The following KCNQ1 variants were observed in gnomAD, a reference collection of about 807,000 sequenced individuals.
KCNQ1 encodes the protein potassium voltage-gated channel subfamily KQT member 1.
A neutral mutation model predicts 72.4 loss-of-function variants in KCNQ1; 49 were observed. That is an observed-to-expected ratio of 0.68 (90% CI 0.54 to 0.86). The LOEUF (loss-of-function observed/expected upper bound fraction) is 0.86. KCNQ1 is among the 40% of genes least tolerant of loss of function. KCNQ1 has a pLI of 0.00. For missense variants in KCNQ1, 790 were observed against 945.1 expected, an observed-to-expected ratio of 0.84 and a Z score of 2.15; for synonymous variants, 450 against 412.6, an observed-to-expected ratio of 1.09 and a Z score of -1.10.
chr11:2,557,470 C>T (rs1461670044), intron 2 of KCNQ1, among the ~76,000 whole-genome samples: 1 of 152,200 alleles, frequency 6.6e-6, no homozygotes, highest in Non-Finnish European at 1.5e-5. Context: ...TTTGAAATAA[C>T]TCCTGTTCTT....
intron 15 of KCNQ1, among the ~76,000 whole-genome samples, chr11:2,799,519 G>A (rs541036621): frequency 2.0e-4 from 31 of 151,744 alleles, no homozygotes; most frequent in African/African-American, 5.6e-4. Flanking sequence ...TGTCTTCTAC[G>A]TGTGAGTGTG....
chr11:2,743,757 C>G (rs748129630), intron 11 of KCNQ1, among the ~76,000 whole-genome samples: 1 of 152,248 alleles, frequency 6.6e-6, no homozygotes, highest in African/African-American at 2.4e-5. Context: ...TCGTGACAGG[C>G]CTTTGAGCCT....
Position 2,723,557 on chromosome 11 carries a change from T to G in KCNQ1, c.1515-45287T>G, listed in dbSNP as rs1342895878. On this transcript the variant is annotated intron_variant, in intron 11 of 15. Coordinates refer to ENST00000155840, the MANE Select transcript of KCNQ1 (RefSeq NM_000218.3). This position sits in a 1 kb window ranked among gnomAD's most constrained non-coding sequence, Gnocchi z 4.2. The stretch of plus-strand genomic sequence containing the variant: ...ACTGTAGCAGTGGGCCTGGAGGCAG[T>G]GGCATTTAGAGAGGACCCTGAAGTC... 2.0e-5 allele frequency among the ~76,000 whole-genome samples: 3 copies of G among 152,186 alleles called. No individual in the cohort carries two copies. Among genetic ancestry groups the G allele is most frequent in the Non-Finnish European group, 4.4e-5 (3 of 68,038 alleles).
chr11:2,742,838 C>T lies in KCNQ1; in HGVS notation c.1515-26006C>T, dbSNP rs2133954072. Among the ~76,000 whole-genome samples the T allele has an allele frequency of 2.6e-5, 4 of 152,302 alleles. No homozygotes were observed. In the South Asian group the frequency reaches 8.3e-4, roughly 32 times the overall value. On this transcript the variant is annotated intron_variant, in intron 11 of 15. Transcript: ENST00000155840. ...ACAAAGTAGGCCAGCGGCTTAGGGA[C>T]CCCCGAGTAAGCAGGCAGACCCACA... is the stretch of plus-strand genomic sequence containing the variant.
In KCNQ1 at chr11:2,816,804, G is replaced by A. The variant is rs750761671; in HGVS notation, c.1795-30963G>A. ...CCCCTGCTCAGGAGGCCTTCCCTGA[G>A]CCCCTGCCCCCTCCATTTCAGACAT... On this transcript the variant is annotated intron_variant, in intron 15 of 15. Transcript: ENST00000155840. This position sits in a 1 kb window ranked among gnomAD's most constrained non-coding sequence, Gnocchi z 6.8. 3.3e-5 allele frequency among the ~76,000 whole-genome samples: 5 copies of A among 152,008 alleles called. No homozygotes were observed. Among genetic ancestry groups the A allele is most frequent in the Non-Finnish European group, 7.4e-5 (5 of 67,918 alleles).
In KCNQ1 at chr11:2,579,732, T is replaced by C. The variant is rs1389447256; in HGVS notation, c.922-3703T>C. The stretch of plus-strand genomic sequence containing the variant: ...CCCAGGGGCACTTCTGGGGCTGGCC[T>C]TTCTCTCCCTCTCGGGGCACCCCTG... On this transcript the variant is annotated intron_variant, in intron 6 of 15. Coordinates refer to ENST00000155840, the MANE Select transcript of KCNQ1 (RefSeq NM_000218.3). This position sits in a 1 kb window ranked among gnomAD's most constrained non-coding sequence, Gnocchi z 6.0. 6.6e-6 allele frequency among the ~76,000 whole-genome samples: 1 copy of C among 152,036 alleles called. No homozygotes were observed. The highest frequency in any genetic ancestry group is 1.9e-4 in the East Asian group (1 of 5,162).
In KCNQ1 at chr11:2,712,661, C is replaced by T. The variant is rs11825155; in HGVS notation, c.1514+50580C>T. ...CATGAAGAAGGGGCTGGCTAAGGCC[C>T]CCATCCCTGCTCAGGCCTACAGGAG... On this transcript the variant is annotated intron_variant, in intron 11 of 15. Transcript: ENST00000155840. This position sits in a 1 kb window ranked among gnomAD's most constrained non-coding sequence, Gnocchi z 6.4. 0.018 allele frequency among the ~76,000 whole-genome samples: 2,794 copies of T among 152,278 alleles called. 88 individuals carry two copies. The highest frequency in any genetic ancestry group is 0.064 in the African/African-American group (2,644 of 41,528).
At position 2,507,131 on chromosome 11, in the gene KCNQ1, C is replaced by T. The variant is rs1181815574; in HGVS notation, c.387-20797C>T. 6.6e-6 allele frequency among the ~76,000 whole-genome samples: 1 copy of T among 152,170 alleles called. No individual in the cohort carries two copies. Among genetic ancestry groups the T allele is most frequent in the African/African-American group, 2.4e-5 (1 of 41,438 alleles). On this transcript the variant is annotated intron_variant, in intron 1 of 15. Transcript: ENST00000155840. This position sits in a 1 kb window ranked among gnomAD's most constrained non-coding sequence, Gnocchi z 5.4. ...CACAGTTGAGAGCTTTTTCCTCCAC[C>T]GAGGTTAAGGGGAATCCACTGTGTT...
At chr11:2,633,764 T>C (rs907882303) in intron 10 of KCNQ1, 36 of 398,486 alleles carry the variant, frequency 9.0e-5, no homozygotes, top group African/African-American at 2.5e-4. Flanking sequence ...TTGGTTACCA[T>C]TGTTTTGTAT....
rs1846880425 is a variant in KCNQ1, at chr11:2,784,658, T to G, written c.1794+6621T>G. The stretch of plus-strand genomic sequence containing the variant: ...TAACAAAATTGAGTATTGTAATCAA[T>G]GAACATGGTATATCCCTCCATTTAT... On this transcript the variant is annotated intron_variant, in intron 15 of 15. Transcript: ENST00000155840. This position sits in a 1 kb window ranked among gnomAD's most constrained non-coding sequence, Gnocchi z 4.7. Among the ~76,000 whole-genome samples the G allele has an allele frequency of 6.6e-6, 1 of 151,974 alleles. No individual in the cohort carries two copies. Among genetic ancestry groups the G allele is most frequent in the African/African-American group, 2.4e-5 (1 of 41,456 alleles).
At position 2,523,751 on chromosome 11, in the gene KCNQ1, G is replaced by GTTGTT. The variant is rs761576167; in HGVS notation, c.387-4175_387-4174insGTTTT. On this transcript the variant is annotated intron_variant, in intron 1 of 15. Transcript: ENST00000155840. ...GCCTCTGCCTTGGAGGAAGTTTACA[G>GTTGTT]TTTTTTTTTTTTTTTTTTTTGAAAG... is the stretch of plus-strand genomic sequence containing the variant. 2.6e-5 allele frequency among the ~76,000 whole-genome samples: 3 copies of GTTGTT among 115,144 alleles called. No homozygotes were observed. In the East Asian group the frequency reaches 7.3e-4, roughly 28 times the overall value. 75.5% of individuals were successfully genotyped at this position (115,144 alleles called of 152,430 possible).
intron 13 of KCNQ1, 152 bp downstream of exon 13, chr11:2,776,206 C>T: frequency 1.4e-6 from 1 of 690,716 alleles, no homozygotes. Flanking sequence ...CCCAGCCCTG[C>T]AGAGGGAGGG....
chr11:2,634,334 C>T (rs1423800161), intron 10 of KCNQ1: 24 of 239,958 alleles, frequency 1.0e-4, no homozygotes, highest in Non-Finnish European at 1.6e-4. Context: ...CCCTCCCCCC[C>T]CACCCCACAA....
chr11:2,796,405 G>A (rs1055581013), intron 15 of KCNQ1, among the ~76,000 whole-genome samples: 3 of 152,354 alleles, frequency 2.0e-5, no homozygotes, highest in African/African-American at 7.2e-5. Flanking sequence ...AGGGTGGCAG[G>A]AAGCACCCAT....
chr11:2,466,583 G>A (rs1411703471), intron 1 of KCNQ1, among the ~76,000 whole-genome samples: 2 of 152,190 alleles, frequency 1.3e-5, no homozygotes, highest in African/African-American at 4.8e-5. Context: ...GGGGGCTTCT[G>A]TGTGGTGCCA....
chr11:2,644,979 G>C, intron 10 of KCNQ1: 1 of 398,682 alleles, frequency 2.5e-6, no homozygotes, highest in Non-Finnish European at 4.4e-6. Flanking sequence ...CCCAATGGTA[G>C]TGTATGCTGG....
At position 2,592,881 on chromosome 11, in the gene KCNQ1, C is replaced by T. The variant is rs928116014; in HGVS notation, c.1393+4027C>T. On this transcript the variant is annotated intron_variant, in intron 10 of 15. Transcript: ENST00000155840. This position sits in a 1 kb window ranked among gnomAD's most constrained non-coding sequence, Gnocchi z 5.2. Reference sequence around the variant, plus strand: ...GGTCAGAAGAGGCCTGGGCTGGAGCCGCATACTGGCCATGCTGCCTCGCTG... The same window carrying T: ...GGTCAGAAGAGGCCTGGGCTGGAGCTGCATACTGGCCATGCTGCCTCGCTG... Among the ~76,000 whole-genome samples the T allele has an allele frequency of 2.6e-5, 4 of 152,136 alleles. No homozygotes were observed. The highest frequency in any genetic ancestry group is 4.8e-5 in the African/African-American group (2 of 41,432).
At chr11:2,737,087 T>C (rs948387488) in intron 11 of KCNQ1, among the ~76,000 whole-genome samples, 1 of 152,090 alleles carries the variant, frequency 6.6e-6, no homozygotes, top group African/African-American at 2.4e-5. Flanking sequence ...CCAGAAGAGA[T>C]CCCAGCGGGA....
Position 2,579,440 on chromosome 11 carries a change from G to A in KCNQ1, c.922-3995G>A, listed in dbSNP as rs929938743. ...GGCTGGTGCCCTGGCAAGGAGCCAC[G>A]GCCCAGGAGACAGACATGTGGATCT... On this transcript the variant is annotated intron_variant, in intron 6 of 15. Coordinates refer to ENST00000155840, the MANE Select transcript of KCNQ1 (RefSeq NM_000218.3). The surrounding 1 kb of genome is among the most constrained non-coding windows in gnomAD (Gnocchi z 6.0). Among the ~76,000 whole-genome samples, 11 of 152,202 alleles carry A rather than the reference G, an allele frequency of 7.2e-5. No homozygotes were observed. Among genetic ancestry groups the A allele is most frequent in the African/African-American group, 2.2e-4 (9 of 41,438 alleles).
Sources: gnomAD v4.1 joint callset for allele counts (sites outside exome capture counted in the v4.1 genomes callset) on GRCh38, gnomAD v4.1.1 for gene constraint, Gnocchi (gnomAD v3.1) non-coding constraint, MANE v1.5 for transcripts, NCBI Gene and HGNC (gene_info 2026-07-23, HGNC 2026-07-21) for gene names.